The following TOP2A variants were observed in gnomAD, a reference collection of about 807,000 sequenced individuals.
TOP2A encodes the protein DNA topoisomerase 2-alpha.
A neutral mutation model predicts 187.2 loss-of-function variants in TOP2A; 68 were observed. That is an observed-to-expected ratio of 0.36 (90% CI 0.30 to 0.44). The LOEUF (loss-of-function observed/expected upper bound fraction) is 0.44. TOP2A is among the 20% of genes least tolerant of loss of function. The probability of loss-of-function intolerance (pLI) is 1.00; values close to 1 mark genes in which losing one functional copy is unlikely to be tolerated. For synonymous variants in TOP2A, 542 were observed against 593.2 expected, an observed-to-expected ratio of 0.91 and a Z score of 1.25; for missense variants, 1,196 against 1,808.7, an observed-to-expected ratio of 0.66 and a Z score of 6.14.
intron 20 of TOP2A, among the ~76,000 whole-genome samples, chr17:40,402,507 AG>A (rs926320413): frequency 1.3e-4 from 20 of 152,340 alleles, no homozygotes; most frequent in African/African-American, 4.6e-4. Flanking sequence ...ACAGTCATAG[AG>A]GCCAAATAAA....
chr17:40,400,877 C>CAAA lies in TOP2A; in HGVS notation c.2634_2636dup (p.Arg878_Leu879insPhe). ...TTGGCAAAGGTTCTTCTCCATCCAT[C>CAAA]AAACGCCTGATGTTATTTACAATTT... On this transcript the variant is annotated inframe_insertion, in exon 21 of 35. Coordinates refer to ENST00000423485, the MANE Select transcript of TOP2A (RefSeq NM_001067.4). 3.7e-6 allele frequency: 6 copies of CAAA among 1,614,016 alleles called. No homozygotes were observed. The highest frequency in any genetic ancestry group is 5.1e-6 in the Non-Finnish European group (6 of 1,179,892).
At chr17:40,404,562 C>T in intron 17 of TOP2A, 71 bp from the exon 18 acceptor site, 1 of 869,358 alleles carries the variant, frequency 1.2e-6, no homozygotes, top group South Asian at 1.6e-5. Context: ...CAAACAGAAA[C>T]CTTTCAGAAC....
In TOP2A at chr17:40,390,471, T is replaced by C. The variant is rs759820326; in HGVS notation, c.4268-307A>G. ...TCCCAAAGTGCTGGGATTACAGGCA[T>C]GAGCAACCGCGCCTGACCTAGTCAC... On this transcript the variant is annotated intron_variant, in intron 33 of 34. Transcript: ENST00000423485. 3.3e-5 allele frequency among the ~76,000 whole-genome samples: 5 copies of C among 152,010 alleles called. No homozygotes were observed. The South Asian group carries it at 1.0e-3, about 32-fold the overall frequency.
intron 10 of TOP2A, chr17:40,409,411 CA>C (rs1309670750): frequency 4.7e-6 from 2 of 424,102 alleles, no homozygotes; most frequent in Non-Finnish European, 9.3e-6. Flanking sequence ...TAAAATTAGA[CA>C]CAAATAAAAC....
At chr17:40,399,417 T>C (rs2035146577) in intron 24 of TOP2A, among the ~76,000 whole-genome samples, 1 of 152,084 alleles carries the variant, frequency 6.6e-6, no homozygotes. Flanking sequence ...CTAGGCTCAC[T>C]GCAGCCTTGA....
At position 40,417,857 on chromosome 17, in the gene TOP2A, A is replaced by G; in HGVS notation, c.-66T>C. 2 of 1,578,254 alleles carry G rather than the reference A, an allele frequency of 1.3e-6. No homozygotes were observed. Among genetic ancestry groups the G allele is most frequent in the East Asian group, 2.4e-5 (1 of 42,292 alleles). On this transcript the variant is annotated 5_prime_UTR_variant, in exon 1 of 35. Transcript: ENST00000423485. Reference sequence around the variant, plus strand: ...TAAACAGGCAGGACCCCACGAGACCACCCCCGACCAAGCCGCTTCTCCACA... The same window carrying G: ...TAAACAGGCAGGACCCCACGAGACCGCCCCCGACCAAGCCGCTTCTCCACA...
At chr17:40,412,666 A>G (rs1380502994) in intron 7 of TOP2A, 93 bp downstream of exon 7, 5 of 1,052,586 alleles carry the variant, frequency 4.8e-6, no homozygotes, top group Non-Finnish European at 7.0e-6. Context: ...AAACAAACAA[A>G]CAAAAACATA....
At position 40,411,096 on chromosome 17, in the gene TOP2A, T is replaced by G; in HGVS notation, c.1203+13A>C. The G allele has an allele frequency of 6.3e-7, 1 of 1,590,648 alleles. No individual in the cohort carries two copies. Among genetic ancestry groups the G allele is most frequent in the East Asian group, 2.2e-5 (1 of 44,736 alleles). On this transcript the variant is annotated intron_variant, in intron 10 of 34. Transcript: ENST00000423485. This position sits in a 1 kb window ranked among gnomAD's most constrained non-coding sequence, Gnocchi z 4.4. ...TCAGGTGTTTCTATTTTTATTTTCC[T>G]CTAAGTACTCACAGCTTTGATAAAT...
chr17:40,416,600 A>T (rs935702449), intron 2 of TOP2A, 88 bp from the exon 3 acceptor site: 74 of 1,421,412 alleles, frequency 5.2e-5, no homozygotes, highest in Non-Finnish European at 6.6e-5. Context: ...CATATTAAGT[A>T]TTACCATATT....
intron 29 of TOP2A, among the ~76,000 whole-genome samples, chr17:40,393,966 G>A (rs1326048539): frequency 6.6e-6 from 1 of 150,620 alleles, no homozygotes; most frequent in Admixed American, 6.7e-5. Flanking sequence ...TGAGGCAGGA[G>A]AATTGCCTGA....
At position 40,396,520 on chromosome 17, in the gene TOP2A, T is replaced by A. The variant is rs988380754; in HGVS notation, c.3538-55A>T. 5 of 1,572,210 alleles carry A rather than the reference T, an allele frequency of 3.2e-6. No individual in the cohort carries two copies. In the African/African-American group the frequency reaches 6.8e-5, roughly 21 times the overall value. ...AAATGTTAACAAAAACATTACAATA[T>A]CTAAACACCCAACAGTTAAACTGAT... On this transcript the variant is annotated intron_variant, in intron 27 of 34. Transcript: ENST00000423485.
intron 34 of TOP2A, 58 bp downstream of exon 34, chr17:40,389,907 C>G: frequency 6.6e-7 from 1 of 1,508,094 alleles, no homozygotes; most frequent in South Asian, 1.3e-5. Context: ...AGAGCAATGG[C>G]TTAGTTACGT....
intron 24 of TOP2A, among the ~76,000 whole-genome samples, chr17:40,399,492 C>A (rs1001798876): frequency 6.6e-6 from 1 of 151,336 alleles, no homozygotes; most frequent in Non-Finnish European, 1.5e-5. Flanking sequence ...AGAAGCCATT[C>A]GTAATCTTCC....
At position 40,400,575 on chromosome 17, in the gene TOP2A, G is replaced by A. The variant is rs2035165895; in HGVS notation, c.2753C>T (p.Ser918Phe). ...VISGEVAILNSTTIEISELPV... is the reference protein window; with the variant it reads ...VISGEVAILNFTTIEISELPV... ...AAGCTCTGAGATTTCAATGGTTGTA[G>A]AATTAAGAATAGCTACTTCACCACT... The change falls in exon 22 of 35, where the codon TCT becomes TTT. Residue 918 changes from serine (S) to phenylalanine (F), a missense_variant. This residue lies in a region of TOP2A where 232 missense variants were observed against 306.1 expected (regional missense o/e 0.76). Transcript: ENST00000423485. 6.2e-7 allele frequency: 1 copy of A among 1,611,640 alleles called. No individual in the cohort carries two copies. The highest frequency in any genetic ancestry group is 8.5e-7 in the Non-Finnish European group (1 of 1,179,054).
chr17:40,405,959 G>A (rs1028826393), intron 16 of TOP2A, among the ~76,000 whole-genome samples: 1 of 151,994 alleles, frequency 6.6e-6, no homozygotes, highest in African/African-American at 2.4e-5. Context: ...GCAGAGATGG[G>A]GTTTCACCTT....
rs1250779645 is a variant in TOP2A at position 40,392,743 on chromosome 17, G to T, written c.3812-6C>A. 1.2e-6 allele frequency: 2 copies of T among 1,600,308 alleles called. No homozygotes were observed. Among genetic ancestry groups the T allele is most frequent in the Non-Finnish European group, 1.7e-6 (2 of 1,176,380 alleles). ...TTGTTTCTTTGTCTTTGTACCTAGA[G>T]GGGAGATAGAAATTAATCACCTTTA... On this transcript the variant is annotated splice_polypyrimidine_tract_variant and splice_region_variant and intron_variant, in intron 29 of 34. Coordinates refer to ENST00000423485, the MANE Select transcript of TOP2A (RefSeq NM_001067.4).
At chr17:40,398,404 A>G (rs940531961) in intron 27 of TOP2A, among the ~76,000 whole-genome samples, 154 bp downstream of exon 27, 3 of 152,142 alleles carry the variant, frequency 2.0e-5, no homozygotes, top group African/African-American at 7.2e-5. Flanking sequence ...GCACCTGGCC[A>G]ATAATCTGTT....
chr17:40,407,377 A>C (rs1475684342), intron 13 of TOP2A, among the ~76,000 whole-genome samples, 172 bp downstream of exon 13: 1 of 152,208 alleles, frequency 6.6e-6, no homozygotes, highest in African/African-American at 2.4e-5. Context: ...GACTCACTTA[A>C]CCTGTATTTG....
intron 12 of TOP2A, 74 bp downstream of exon 12, chr17:40,407,893 A>G: frequency 1.4e-6 from 2 of 1,425,452 alleles, no homozygotes; most frequent in Non-Finnish European, 1.9e-6. Context: ...ATGCCTAATG[A>G]GGGAATTAAA....
Sources: gnomAD v4.1 joint callset for allele counts (sites outside exome capture counted in the v4.1 genomes callset) on GRCh38, gnomAD v4.1.1 for gene constraint, gnomAD v4.1.1 regional missense constraint, Gnocchi (gnomAD v3.1) non-coding constraint, MANE v1.5 for transcripts, NCBI Gene and HGNC (gene_info 2026-07-23, HGNC 2026-07-21) for gene names.